The following SYNJ2BP variants were observed in gnomAD, a reference collection of about 807,000 sequenced individuals.
SYNJ2BP encodes the protein synaptojanin-2-binding protein.
SYNJ2BP carries 10 observed loss-of-function variants against 16.9 expected under a neutral mutation model. The ratio of observed to expected loss-of-function variants is 0.59; its 90% CI spans 0.36 to 1.00. The LOEUF (loss-of-function observed/expected upper bound fraction) is 1.00. SYNJ2BP is among the 50% of genes least tolerant of loss of function. The pLI is 0.01. For synonymous variants in SYNJ2BP, 54 were observed against 68.4 expected, an observed-to-expected ratio of 0.79 and a Z score of 1.04; for missense variants, 162 against 186.7, an observed-to-expected ratio of 0.87 and a Z score of 0.77.
intron 1 of SYNJ2BP, among the ~76,000 whole-genome samples, chr14:70,398,036 A>G (rs139166166): frequency 0.012 from 607 of 49,724 alleles, no homozygotes; most frequent in South Asian, 0.026. Context: ...TGAGTGTTCA[A>G]CTCTCAGCAG....
chr14:70,384,492 G>T (rs115058122), intron 2 of SYNJ2BP, among the ~76,000 whole-genome samples: 4 of 151,770 alleles, frequency 2.6e-5, no homozygotes, highest in African/African-American at 9.7e-5. Flanking sequence ...ACGATGTCAC[G>T]GGTAAGTGAT....
intron 2 of SYNJ2BP, among the ~76,000 whole-genome samples, chr14:70,381,431 G>A (rs1887748199): frequency 6.6e-6 from 1 of 152,098 alleles, no homozygotes; most frequent in African/African-American, 2.4e-5. Context: ...AGGTAAACCA[G>A]CCCCTAAAAC....
chr14:70,412,431 G>A (rs1456609835), intron 1 of SYNJ2BP, among the ~76,000 whole-genome samples: 11 of 150,462 alleles, frequency 7.3e-5, no homozygotes, highest in Non-Finnish European at 1.5e-5. Context: ...TATTACTCAG[G>A]GTTGCTGTGA....
In SYNJ2BP at chr14:70,416,185, G is replaced by C. The variant is rs140361185; in HGVS notation, c.64+715C>G. Among the ~76,000 whole-genome samples the C allele has an allele frequency of 2.8e-3, 433 of 152,266 alleles. 2 individuals carry two copies. The highest frequency in any genetic ancestry group is 6.8e-3 in the Middle Eastern group (2 of 294). ...GCCCGGTTTAATGAAGAGCCACAGT[G>C]GGGGAAGAGGATAGCAGTTTGGCTG... On this transcript the variant is annotated intron_variant, in intron 1 of 3. Transcript: ENST00000256366.
In SYNJ2BP at chr14:70,416,988, A is replaced by C. The variant is rs765843966; in HGVS notation, c.-25T>G. The C allele has an allele frequency of 6.8e-6, 11 of 1,614,046 alleles. No homozygotes were observed. In the South Asian group the frequency reaches 1.2e-4, roughly 18 times the overall value. ...TGTTTTACAGCTCGTCTGGCTTCCT[A>C]CTTGGGTCAGCTGGAGTGCAGCACA... On this transcript the variant is annotated 5_prime_UTR_variant, in exon 1 of 4. Coordinates refer to ENST00000256366, the MANE Select transcript of SYNJ2BP (RefSeq NM_018373.3).
Position 70,413,629 on chromosome 14 carries a change from C to T in SYNJ2BP, c.64+3271G>A, listed in dbSNP as rs1294935391. 4.6e-5 allele frequency among the ~76,000 whole-genome samples: 7 copies of T among 152,038 alleles called. No individual in the cohort carries two copies. In the East Asian group the frequency reaches 7.7e-4, roughly 17 times the overall value. On this transcript the variant is annotated intron_variant, in intron 1 of 3. Coordinates refer to ENST00000256366, the MANE Select transcript of SYNJ2BP (RefSeq NM_018373.3). ...ACTCCACCCTGGTGACAGAGTGAGA[C>T]GCGTCTCAAAAAAAAGAAGAACAAA...
At chr14:70,396,582 A>ATTTATGTATG (rs1555348747) in intron 1 of SYNJ2BP, among the ~76,000 whole-genome samples, 1 of 150,280 alleles carries the variant, frequency 6.7e-6, no homozygotes, top group East Asian at 2.0e-4. Context: ...GTGTGTATGT[A>ATTTATGTATG]TGTATGTATG....
rs1236836502 is a variant in SYNJ2BP at position 70,368,731 on chromosome 14, T to C, written c.*4260A>G. On this transcript the variant is annotated 3_prime_UTR_variant, in exon 4 of 4. Transcript: ENST00000256366. ...GTTGTTGTTGTTTTGCCTGAAGCAA[T>C]GTATGTAATTTAATAATTTAAATAG... is the stretch of plus-strand genomic sequence containing the variant. 2.0e-5 allele frequency: 3 copies of C among 152,194 alleles called. No individual in the cohort carries two copies. The highest frequency in any genetic ancestry group is 4.4e-5 in the Non-Finnish European group (3 of 68,034). The allele number at this position is 152,194 out of a possible 1,614,324, so 9.4% of individuals were successfully genotyped here.
At chr14:70,400,856 T>A (rs533056385) in intron 1 of SYNJ2BP, among the ~76,000 whole-genome samples, 22 of 152,368 alleles carry the variant, frequency 1.4e-4, no homozygotes, top group African/African-American at 5.3e-4. Flanking sequence ...TGATAAGGTC[T>A]ATTTCTAACA....
chr14:70,400,711 G>A (rs994907835), intron 1 of SYNJ2BP, among the ~76,000 whole-genome samples: 12 of 152,104 alleles, frequency 7.9e-5, no homozygotes, highest in African/African-American at 2.4e-4. Context: ...CTAAAGACAC[G>A]TTTTACATTC....
chr14:70,380,067 A>G (rs1330359465), intron 2 of SYNJ2BP, among the ~76,000 whole-genome samples: 1 of 152,222 alleles, frequency 6.6e-6, no homozygotes, highest in Non-Finnish European at 1.5e-5. Context: ...GTATTAACTC[A>G]TTTAGTCTTC....
At chr14:70,380,445 T>G (rs575933429) in intron 2 of SYNJ2BP, among the ~76,000 whole-genome samples, 1 of 152,180 alleles carries the variant, frequency 6.6e-6, no homozygotes, top group East Asian at 1.9e-4. Flanking sequence ...GGGCGAATCA[T>G]GAGGTCAGGA....
At chr14:70,412,631 A>ATATATACAGTATATAT (rs1235982664) in intron 1 of SYNJ2BP, among the ~76,000 whole-genome samples, 127 of 149,186 alleles carry the variant, frequency 8.5e-4, no homozygotes, top group East Asian at 1.6e-3. Context: ...TATATATAGT[A>ATATATACAGTATATAT]ACTAGCACAC....
rs1887426571 is a variant in SYNJ2BP at position 70,367,831 on chromosome 14, A to T, written c.*5160T>A. ...AAAAAAATACTTTAACATCAAAATC[A>T]CCTACAAATATTCCTCCACTTTCAT... On this transcript the variant is annotated 3_prime_UTR_variant, in exon 4 of 4. Coordinates refer to ENST00000256366, the MANE Select transcript of SYNJ2BP (RefSeq NM_018373.3). 1 of 152,118 alleles carries T rather than the reference A, an allele frequency of 6.6e-6. No homozygotes were observed. Among genetic ancestry groups the T allele is most frequent in the Admixed American group, 6.6e-5 (1 of 15,252 alleles). 9.4% of individuals were successfully genotyped at this position (152,118 alleles called of 1,614,324 possible).
In SYNJ2BP at chr14:70,417,056, G is replaced by T; in HGVS notation, c.-93C>A. 6.3e-7 allele frequency: 1 copy of T among 1,596,010 alleles called. No individual in the cohort carries two copies. Among genetic ancestry groups the T allele is most frequent in the Non-Finnish European group, 8.6e-7 (1 of 1,169,160 alleles). On this transcript the variant is annotated 5_prime_UTR_variant, in exon 1 of 4. Transcript: ENST00000256366. ...CTCGGCGCTGCGCCCACAGCACAGC[G>T]GTTTCGGTTTCAGCAGCCTCGAGAC...
Position 70,370,282 on chromosome 14 carries a change from G to C in SYNJ2BP, c.*2709C>G, listed in dbSNP as rs1321685091. ...TCAGGAATCAGTGTCCAAACCATGA[G>C]GTGAATCCTGGGAGGTAAGCAAGCT... On this transcript the variant is annotated 3_prime_UTR_variant, in exon 4 of 4. Coordinates refer to ENST00000256366, the MANE Select transcript of SYNJ2BP (RefSeq NM_018373.3). 1 of 152,126 alleles carries C rather than the reference G, an allele frequency of 6.6e-6. No individual in the cohort carries two copies. The highest frequency in any genetic ancestry group is 2.4e-5 in the African/African-American group (1 of 41,420). The allele number at this position is 152,126 out of a possible 1,614,324, so 9.4% of individuals were successfully genotyped here.
rs752368782 is a variant in SYNJ2BP, at chr14:70,366,870, T to C, written c.*6121A>G. On this transcript the variant is annotated 3_prime_UTR_variant, in exon 4 of 4. Coordinates refer to ENST00000256366, the MANE Select transcript of SYNJ2BP (RefSeq NM_018373.3). ...ACATGGCCTGGAGGTAAAATGCAAATATATCCGGTAATAAGAAGCCCAGAT... is the reference window on the plus strand; with the variant it reads ...ACATGGCCTGGAGGTAAAATGCAAACATATCCGGTAATAAGAAGCCCAGAT... 2.0e-5 allele frequency: 3 copies of C among 152,190 alleles called. No individual in the cohort carries two copies. Among genetic ancestry groups the C allele is most frequent in the African/African-American group, 4.8e-5 (2 of 41,444 alleles). 9.4% of individuals were successfully genotyped at this position (152,190 alleles called of 1,614,324 possible).
intron 1 of SYNJ2BP, among the ~76,000 whole-genome samples, chr14:70,401,862 G>A (rs1363996073): frequency 6.6e-6 from 1 of 151,844 alleles, no homozygotes; most frequent in Non-Finnish European, 1.5e-5. Flanking sequence ...TTTTGCCCAG[G>A]CTGGTCTCAA....
At chr14:70,412,146 C>T (rs1888486122) in intron 1 of SYNJ2BP, among the ~76,000 whole-genome samples, 1 of 152,084 alleles carries the variant, frequency 6.6e-6, no homozygotes, top group South Asian at 2.1e-4. Context: ...CTATCAAGAG[C>T]AAGCAATAAA....
Sources: gnomAD v4.1 joint callset for allele counts (sites outside exome capture counted in the v4.1 genomes callset) on GRCh38, gnomAD v4.1.1 for gene constraint, MANE v1.5 for transcripts, NCBI Gene and HGNC (gene_info 2026-07-23, HGNC 2026-07-21) for gene names.